The following CDH3 variants were observed in gnomAD, a reference collection of about 807,000 sequenced individuals.
CDH3 encodes cadherin-3.
Under a neutral mutation model 82.0 loss-of-function variants are expected in CDH3, and 54 were observed. That is an observed-to-expected ratio of 0.66 (90% CI 0.53 to 0.83). The LOEUF is 0.83. CDH3 is among the 40% of genes least tolerant of loss of function. The pLI is 0.00. For synonymous variants in CDH3, 446 were observed against 437.9 expected, an observed-to-expected ratio of 1.02 and a Z score of -0.23; for missense variants, 1,054 against 1,084.6, an observed-to-expected ratio of 0.97 and a Z score of 0.40.
intron 15 of CDH3, among the ~76,000 whole-genome samples, chr16:68,697,323 T>TA (rs1961757680): frequency 7.1e-6 from 1 of 140,524 alleles, no homozygotes; most frequent in Non-Finnish European, 1.6e-5. Context: ...GATTCCATCT[T>TA]TAAAAAAAAA....
intron 4 of CDH3, 49 bp from the exon 5 acceptor site, chr16:68,678,452 T>C: frequency 6.2e-7 from 1 of 1,612,058 alleles, no homozygotes. Context: ...TTTGTCACAG[T>C]CATGGGATAT....
At chr16:68,667,841 G>T (rs563966049) in intron 2 of CDH3, among the ~76,000 whole-genome samples, 1 of 152,264 alleles carries the variant, frequency 6.6e-6, no homozygotes, top group East Asian at 1.9e-4. Flanking sequence ...GTTTCCATTG[G>T]ATGTCTTCTA....
intron 10 of CDH3, 106 bp from the exon 11 acceptor site, chr16:68,685,099 C>T: frequency 7.3e-7 from 1 of 1,364,122 alleles, no homozygotes; most frequent in South Asian, 1.2e-5. Context: ...TATGATCCTG[C>T]TTAGGAGCCC....
intron 2 of CDH3, among the ~76,000 whole-genome samples, chr16:68,663,083 C>G (rs1960637378): frequency 6.6e-6 from 1 of 151,452 alleles, no homozygotes; most frequent in African/African-American, 2.4e-5. Flanking sequence ...CCAGGCTGGT[C>G]TCAAACTCCT....
downstream of CDH3, among the ~76,000 whole-genome samples, chr16:68,730,486 A>G (rs1962272062): frequency 6.6e-6 from 1 of 151,946 alleles, no homozygotes; most frequent in Non-Finnish European, 1.5e-5. Flanking sequence ...AGATCACGTC[A>G]TTGCACCCAG....
Position 68,691,801 on chromosome 16 carries a change from A to G in CDH3, c.1877A>G (p.Asn626Ser), listed in dbSNP as rs759182992. 4 of 1,614,174 alleles carry G rather than the reference A, an allele frequency of 2.5e-6. No individual in the cohort carries two copies. In the South Asian group the frequency reaches 4.4e-5, roughly 18 times the overall value. ...DVHLSLSDHGNKEQLTVIRAT... is the reference protein window; with the variant it reads ...DVHLSLSDHGSKEQLTVIRAT... Reference sequence around the variant, plus strand: ...CACCTTTCTCTGTCTGACCATGGCAACAAAGAGCAGCTGACGGTGATCAGG... The same window carrying G: ...CACCTTTCTCTGTCTGACCATGGCAGCAAAGAGCAGCTGACGGTGATCAGG... Residue 626 changes from asparagine (N) to serine (S), a missense_variant, in exon 13 of 16, where the codon AAC becomes AGC. Transcript: ENST00000264012.
At chr16:68,651,170 CA>C in intron 2 of CDH3, 1 of 482,766 alleles carries the variant, frequency 2.1e-6, no homozygotes. Flanking sequence ...CGGCCCAGGC[CA>C]AAGACCTGGC....
chr16:68,646,629 A>G (rs988725482), intron 2 of CDH3, among the ~76,000 whole-genome samples: 4 of 151,574 alleles, frequency 2.6e-5, no homozygotes, highest in African/African-American at 7.3e-5. Flanking sequence ...TTCTCCCTCT[A>G]GGTTAAGAGG....
intron 1 of CDH3, among the ~76,000 whole-genome samples, chr16:68,709,617 C>G (rs1962003982): frequency 6.6e-6 from 1 of 152,130 alleles, no homozygotes; most frequent in Non-Finnish European, 1.5e-5. Context: ...CTCCACCACG[C>G]CCGGCTAATT....
chr16:68,686,759 T>G, intron 11 of CDH3: 1 of 648,018 alleles, frequency 1.5e-6, no homozygotes, highest in Non-Finnish European at 2.8e-6. Flanking sequence ...TTTCATCATG[T>G]AAATAATTTC....
intron 2 of CDH3, among the ~76,000 whole-genome samples, chr16:68,662,701 C>T (rs969756834): frequency 9.9e-5 from 15 of 151,472 alleles, no homozygotes; most frequent in Admixed American, 2.0e-4. Context: ...CCCGCCACCA[C>T]GCCCGGCTAA....
chr16:68,674,964 TTAGC>T (rs34605610), intron 2 of CDH3, among the ~76,000 whole-genome samples: 67,367 of 150,888 alleles, frequency 0.45, 15,213 homozygotes, highest in East Asian at 0.6. Flanking sequence ...AATACAAAAA[TTAGC>T]TAGGCATGGT....
At chr16:68,701,893 C>T (rs540432284), downstream of CDH3, among the ~76,000 whole-genome samples, 363 of 150,898 alleles carry the variant, frequency 2.4e-3, no homozygotes, top group Middle Eastern at 6.8e-3. Flanking sequence ...GTGTGGTGGC[C>T]TACGCCTGTA....
intron 2 of CDH3, among the ~76,000 whole-genome samples, chr16:68,669,616 C>T (rs1479129018): frequency 5.6e-5 from 7 of 125,468 alleles, no homozygotes; most frequent in Admixed American, 4.3e-4. Context: ...GGTGGGGTGG[C>T]GGGGGGGGTG....
At chr16:68,729,209 G>A (rs922187973), downstream of CDH3, among the ~76,000 whole-genome samples, 2 of 152,194 alleles carry the variant, frequency 1.3e-5, no homozygotes, top group Admixed American at 6.5e-5. Context: ...GGAGGCTGAC[G>A]CAGGAGAATT....
chr16:68,720,840 G>A (rs1340056249), intron 1 of CDH3, among the ~76,000 whole-genome samples: 2 of 151,942 alleles, frequency 1.3e-5, no homozygotes, highest in African/African-American at 2.4e-5. Context: ...GGCTGGTCTC[G>A]AACTCTTGAC....
intron 2 of CDH3, among the ~76,000 whole-genome samples, chr16:68,672,510 A>G (rs1124770): frequency 0.18 from 27,296 of 152,126 alleles, 3,005 homozygotes; most frequent in African/African-American, 0.31. Context: ...CAAAGCACTC[A>G]TCTTCTGAGG....
intron 2 of CDH3, among the ~76,000 whole-genome samples, chr16:68,650,544 GC>G (rs1960208727): frequency 6.6e-6 from 1 of 152,170 alleles, no homozygotes; most frequent in African/African-American, 2.4e-5. Context: ...CAGGTGATCT[GC>G]CCACCTTGGC....
chr16:68,660,314 C>G (rs898238233), intron 2 of CDH3, among the ~76,000 whole-genome samples: 1 of 152,128 alleles, frequency 6.6e-6, no homozygotes, highest in African/African-American at 2.4e-5. Context: ...TCAATAGTTT[C>G]AAAAGCATAT....
Sources: allele counts gnomAD v4.1 joint callset (sites outside exome capture counted in the v4.1 genomes callset), GRCh38; gene constraint gnomAD v4.1.1; transcripts MANE v1.5; gene names NCBI Gene and HGNC (gene_info 2026-07-23, HGNC 2026-07-21).